EDN1: variants seen among roughly 807,000 people sequenced by gnomAD.
EDN1 encodes the protein endothelin 1, also known as endothelin-1.
In EDN1, 11 loss-of-function variants were observed where a neutral mutation model predicts 21.7. The ratio of observed to expected loss-of-function variants is 0.51; its 90% CI spans 0.32 to 0.84. The LOEUF is 0.84. Ranked by LOEUF, EDN1 falls within the 40% of genes least tolerant of loss-of-function variation. The probability of loss-of-function intolerance (pLI) is 0.03; values close to 1 mark genes in which losing one functional copy is unlikely to be tolerated. For synonymous variants in EDN1, 85 were observed against 90.6 expected, an observed-to-expected ratio of 0.94 and a Z score of 0.35; for missense variants, 244 against 262.3, an observed-to-expected ratio of 0.93 and a Z score of 0.48.
At chr6:12,233,421 T>C in the EDN1 span, among the ~76,000 whole-genome samples, 5 of 151,476 alleles carry the variant, frequency 3.3e-5, no homozygotes, top group Non-Finnish European at 5.9e-5. Context: ...TCCACCATTT[T>C]ACAGGTAAAC....
At chr6:12,242,971 G>A in the EDN1 span, among the ~76,000 whole-genome samples, 8 of 152,186 alleles carry the variant, frequency 5.3e-5, no homozygotes, top group Admixed American at 1.3e-4. Flanking sequence ...AATTACAGTT[G>A]ACTCTTAGGC....
the EDN1 span, among the ~76,000 whole-genome samples, chr6:12,244,614 G>T: frequency 0.25 from 37,971 of 152,124 alleles, 5,357 homozygotes; most frequent in Non-Finnish European, 0.32. Context: ...GGGAAAAAAT[G>T]CTTCCATGCA....
chr6:12,271,662 G>A, the EDN1 span, among the ~76,000 whole-genome samples: 2 of 152,164 alleles, frequency 1.3e-5, no homozygotes, highest in Admixed American at 6.5e-5. Context: ...ACCTCTACCA[G>A]TGAGATTAGA....
At chr6:12,230,725 A>T in the EDN1 span, among the ~76,000 whole-genome samples, 1 of 152,164 alleles carries the variant, frequency 6.6e-6, no homozygotes, top group Non-Finnish European at 1.5e-5. Context: ...CTGCATGTCC[A>T]TGAATCTCTC....
At chr6:12,242,689 T>C in the EDN1 span, among the ~76,000 whole-genome samples, 1 of 151,870 alleles carries the variant, frequency 6.6e-6, no homozygotes, top group Non-Finnish European at 1.5e-5. Flanking sequence ...CCTGGGTAGG[T>C]GGCTTTGGAT....
At chr6:12,242,707 C>T in the EDN1 span, among the ~76,000 whole-genome samples, 5 of 151,760 alleles carry the variant, frequency 3.3e-5, no homozygotes, top group African/African-American at 7.3e-5. Context: ...GATCGCTGCT[C>T]ACCTTGCCAG....
the EDN1 span, among the ~76,000 whole-genome samples, chr6:12,245,195 G>A: frequency 2.0e-5 from 3 of 152,038 alleles, no homozygotes; most frequent in Admixed American, 6.6e-5. Context: ...CATTTATCAC[G>A]TATTATTTTA....
At chr6:12,272,109 T>C in the EDN1 span, among the ~76,000 whole-genome samples, 1 of 152,144 alleles carries the variant, frequency 6.6e-6, no homozygotes, top group African/African-American at 2.4e-5. Flanking sequence ...ACATAAAAAA[T>C]ACAGTTGAGA....
the EDN1 span, among the ~76,000 whole-genome samples, chr6:12,262,992 T>G: frequency 6.6e-6 from 1 of 152,094 alleles, no homozygotes; most frequent in Non-Finnish European, 1.5e-5. Context: ...GGAAGCTGAG[T>G]GTTTACATGT....
At chr6:12,263,238 C>A in the EDN1 span, among the ~76,000 whole-genome samples, 1 of 152,146 alleles carries the variant, frequency 6.6e-6, no homozygotes, top group East Asian at 1.9e-4. Context: ...GATCTCATTC[C>A]AGATTTCTAG....
intron 4 of EDN1, 51 bp downstream of exon 4, chr6:12,294,455 C>A: frequency 6.2e-7 from 1 of 1,606,900 alleles, no homozygotes; most frequent in Non-Finnish European, 8.5e-7. Context: ...GAACAACTAG[C>A]CCCAGTCAGT....
chr6:12,294,061 G>A lies in EDN1; in HGVS notation c.354G>A (p.Lys118=), dbSNP rs150128166. ...AATGTGCTAGCCAAAAAGACAAGAA[G>A]TGCTGGAATTTTTGCCAAGCAGGAA... The part of the protein sequence containing the change: ...RCQCASQKDK[K]CWNFCQAGKE... Residue 118 remains lysine, a synonymous_variant, in exon 3 of 5, where the codon AAG becomes AAA. Coordinates refer to ENST00000379375, the MANE Select transcript of EDN1 (RefSeq NM_001955.5). The A allele has an allele frequency of 8.7e-6, 14 of 1,614,192 alleles. No homozygotes were observed. The highest frequency in any genetic ancestry group is 3.3e-5 in the Admixed American group (2 of 60,024).
the EDN1 span, among the ~76,000 whole-genome samples, chr6:12,231,027 T>C: frequency 7.6e-3 from 1,150 of 152,300 alleles, 19 homozygotes; most frequent in African/African-American, 0.026. Flanking sequence ...GTTCTCTCCC[T>C]GTGAAAAATG....
chr6:12,293,172 C>G (rs945636667), intron 2 of EDN1, among the ~76,000 whole-genome samples: 5 of 152,220 alleles, frequency 3.3e-5, no homozygotes, highest in African/African-American at 1.2e-4. Flanking sequence ...CTGTCGGAAG[C>G]AGTCATAAAC....
At chr6:12,294,517 T>G in intron 4 of EDN1, 113 bp downstream of exon 4, 1 of 1,269,614 alleles carries the variant, frequency 7.9e-7, no homozygotes, top group Non-Finnish European at 1.1e-6. Flanking sequence ...GGTGAAAGAC[T>G]TAGAAAACAG....
the EDN1 span, among the ~76,000 whole-genome samples, chr6:12,258,104 C>T: frequency 6.6e-6 from 1 of 151,960 alleles, no homozygotes; most frequent in Admixed American, 6.6e-5. Context: ...ACAGTGTATA[C>T]TAATTAGTAT....
chr6:12,237,678 A>G, the EDN1 span, among the ~76,000 whole-genome samples: 1 of 152,114 alleles, frequency 6.6e-6, no homozygotes, highest in Non-Finnish European at 1.5e-5. Flanking sequence ...CCTGTGCTTT[A>G]TAATGATGCT....
intron 4 of EDN1, among the ~76,000 whole-genome samples, chr6:12,295,402 T>C (rs1158485208): frequency 6.6e-6 from 1 of 152,152 alleles, no homozygotes; most frequent in Non-Finnish European, 1.5e-5. Context: ...TGGAATTTTT[T>C]ATGGGTTTTT....
chr6:12,238,190 AG>A, the EDN1 span, among the ~76,000 whole-genome samples: 1 of 149,830 alleles, frequency 6.7e-6, no homozygotes, highest in African/African-American at 2.5e-5. Flanking sequence ...AAAAAAAAAA[AG>A]GGAAACCCAA....
Sources: allele counts gnomAD v4.1 joint callset (sites outside exome capture counted in the v4.1 genomes callset), GRCh38; gene constraint gnomAD v4.1.1; transcripts MANE v1.5; gene names NCBI Gene and HGNC (gene_info 2026-07-23, HGNC 2026-07-21).